Variants in SLC25A21 observed in about 807,000 individuals in gnomAD.
The protein encoded by SLC25A21 is solute carrier family 25 member 21, also known as mitochondrial 2-oxodicarboxylate carrier.
Under a neutral mutation model 43.8 loss-of-function variants are expected in SLC25A21, and 47 were observed. The ratio of observed to expected loss-of-function variants is 1.07; its 90% confidence interval spans 0.85 to 1.37. SLC25A21 has a LOEUF of 1.37. SLC25A21 is among the 40% of genes most tolerant of loss of function. The pLI, the probability that SLC25A21 is intolerant of heterozygous loss-of-function variation, is 0.00. For synonymous variants in SLC25A21, 131 were observed against 121.3 expected (o/e 1.08, Z -0.52); for missense variants, 352 against 350.2 (o/e 1.00, Z -0.04).
At chr14:37,043,515 GATTCT>G (rs1325182315) in intron 1 of SLC25A21, among the ~76,000 whole-genome samples, 2 of 152,138 alleles carry the variant, frequency 1.3e-5, no homozygotes, top group African/African-American at 4.8e-5. Flanking sequence ...TGCCTAATAT[GATTCT>G]GCCACCCTCT....
At chr14:36,956,078 C>T (rs1437921420) in intron 1 of SLC25A21, among the ~76,000 whole-genome samples, 1 of 152,038 alleles carries the variant, frequency 6.6e-6, no homozygotes, top group African/African-American at 2.4e-5. Context: ...CAGAGATACC[C>T]CCCACTATAT....
At chr14:36,934,382 C>T (rs1053229721) in intron 1 of SLC25A21, among the ~76,000 whole-genome samples, 9 of 151,568 alleles carry the variant, frequency 5.9e-5, no homozygotes, top group African/African-American at 1.9e-4. Flanking sequence ...AGTAACACAA[C>T]TTTCTAAGCA....
intron 1 of SLC25A21, among the ~76,000 whole-genome samples, chr14:37,065,915 G>A (rs1441352130): frequency 6.6e-6 from 1 of 152,126 alleles, no homozygotes; most frequent in African/African-American, 2.4e-5. Context: ...AATTTGAAAC[G>A]AATGGTTTTT....
chr14:37,046,009 A>G (rs1437141786), intron 1 of SLC25A21, among the ~76,000 whole-genome samples: 2 of 152,230 alleles, frequency 1.3e-5, no homozygotes, highest in Admixed American at 6.5e-5. Context: ...AGTGTTTTAC[A>G]TAAGTTAACT....
At chr14:36,811,917 G>T (rs933597917) in intron 3 of SLC25A21, among the ~76,000 whole-genome samples, 1 of 152,004 alleles carries the variant, frequency 6.6e-6, no homozygotes, top group Admixed American at 6.6e-5. Context: ...GGATGGAAAA[G>T]ATAGATAATA....
intron 2 of SLC25A21, among the ~76,000 whole-genome samples, chr14:36,855,015 T>C (rs1257074872): frequency 6.6e-6 from 1 of 151,776 alleles, no homozygotes; most frequent in Non-Finnish European, 1.5e-5. Context: ...GGCTGCACTG[T>C]CTGTGAAAAA....
At chr14:36,999,673 G>A (rs535044984) in intron 1 of SLC25A21, among the ~76,000 whole-genome samples, 1 of 152,164 alleles carries the variant, frequency 6.6e-6, no homozygotes, top group Admixed American at 6.5e-5. Flanking sequence ...ACCTAAAACT[G>A]CTCTTAAAAA....
intron 7 of SLC25A21, among the ~76,000 whole-genome samples, chr14:36,688,737 T>C (rs74044473): frequency 0.03 from 4,502 of 152,368 alleles, 219 homozygotes; most frequent in African/African-American, 0.1. Context: ...TAAACGTTGA[T>C]TGAAGTACAT....
At chr14:36,863,028 G>A (rs949254134) in intron 2 of SLC25A21, among the ~76,000 whole-genome samples, 1 of 152,100 alleles carries the variant, frequency 6.6e-6, no homozygotes, top group African/African-American at 2.4e-5. Flanking sequence ...CCCTGAACGG[G>A]GACTAGGGGG....
chr14:37,115,293 T>G (rs1963087658), intron 1 of SLC25A21, among the ~76,000 whole-genome samples: 1 of 152,172 alleles, frequency 6.6e-6, no homozygotes, highest in African/African-American at 2.4e-5. Flanking sequence ...TACGGAGTAT[T>G]GAAAACAGGA....
chr14:37,081,347 C>T (rs533523423), intron 1 of SLC25A21, among the ~76,000 whole-genome samples: 14 of 152,284 alleles, frequency 9.2e-5, no homozygotes, highest in Middle Eastern at 3.4e-3. Context: ...GTTAGTGACA[C>T]GTCACGGAAA....
chr14:36,788,667 AGGCATGT>A (rs921155209), intron 3 of SLC25A21: 2 of 151,532 alleles, frequency 1.3e-5, no homozygotes, highest in African/African-American at 4.9e-5. Context: ...CAACCAGCTA[AGGCATGT>A]GTCTGTACAC....
At chr14:36,795,937 T>C (rs984168889) in intron 3 of SLC25A21, among the ~76,000 whole-genome samples, 1 of 152,186 alleles carries the variant, frequency 6.6e-6, no homozygotes, top group African/African-American at 2.4e-5. Flanking sequence ...CAACACAGCA[T>C]ATATGTAACC....
chr14:36,809,942 A>G (rs2774035), intron 3 of SLC25A21, among the ~76,000 whole-genome samples: 91,756 of 152,066 alleles, frequency 0.6, 28,110 homozygotes, highest in East Asian at 0.89. Flanking sequence ...GAACTTCTTT[A>G]ACTAGGGAAA....
At chr14:37,006,525 G>C (rs1434413410) in intron 1 of SLC25A21, among the ~76,000 whole-genome samples, 1 of 151,936 alleles carries the variant, frequency 6.6e-6, no homozygotes, top group Non-Finnish European at 1.5e-5. Context: ...TGTAAGAATA[G>C]AACCTCTAGT....
chr14:36,781,047 A>AGGAATT, intron 3 of SLC25A21, among the ~76,000 whole-genome samples: 1 of 152,192 alleles, frequency 6.6e-6, no homozygotes, highest in East Asian at 1.9e-4. Flanking sequence ...TATTCTTTTG[A>AGGAATT]GGAATTGACT....
intron 1 of SLC25A21, among the ~76,000 whole-genome samples, chr14:37,164,567 T>G (rs2138954027): frequency 6.6e-6 from 1 of 152,332 alleles, no homozygotes; most frequent in Admixed American, 6.5e-5. Context: ...ATTTTAACCT[T>G]GATTACCCCC....
intron 2 of SLC25A21, among the ~76,000 whole-genome samples, chr14:36,871,734 G>C (rs973712813): frequency 6.6e-6 from 1 of 152,180 alleles, no homozygotes; most frequent in Non-Finnish European, 1.5e-5. Flanking sequence ...TGGATTCTAA[G>C]TTGTGGCAGG....
intron 1 of SLC25A21, among the ~76,000 whole-genome samples, chr14:37,074,506 A>G (rs143902276): frequency 1.3e-5 from 2 of 152,216 alleles, no homozygotes; most frequent in East Asian, 3.9e-4. Context: ...CTGGCTTCCT[A>G]TTGGGTTTAG....
Sources: gnomAD v4.1 joint callset for allele counts (sites outside exome capture counted in the v4.1 genomes callset) on GRCh38, gnomAD v4.1.1 for gene constraint, MANE v1.5 for transcripts, NCBI Gene and HGNC (gene_info 2026-07-23, HGNC 2026-07-21) for gene names.